The following ASAP1 variants were observed in gnomAD, a reference collection of about 807,000 sequenced individuals.
ASAP1 encodes the protein arf-GAP with SH3 domain, ANK repeat and PH domain-containing protein 1.
A neutral mutation model predicts 145.2 loss-of-function variants in ASAP1; 43 were observed. The observed-to-expected ratio is 0.30, with a 90% CI of 0.23 to 0.38. The LOEUF is 0.38. ASAP1 is among the 10% of genes least tolerant of loss of function. ASAP1 has a pLI of 1.00. For missense variants in ASAP1, 1,018 were observed against 1,355.3 expected (o/e 0.75, Z 3.91); for synonymous variants, 546 against 515.5 (o/e 1.06, Z -0.80).
At chr8:130,441,241 G>C (rs1181580068) in intron 1 of ASAP1, among the ~76,000 whole-genome samples, 1 of 152,230 alleles carries the variant, frequency 6.6e-6, no homozygotes, top group African/African-American at 2.4e-5. Flanking sequence ...AGAAAAACTC[G>C]ATTCCAGATA....
intron 27 of ASAP1, among the ~76,000 whole-genome samples, chr8:130,069,262 G>A (rs1185536789): frequency 6.6e-6 from 1 of 152,132 alleles, no homozygotes; most frequent in Non-Finnish European, 1.5e-5. Flanking sequence ...TTGAGGCAGG[G>A]TCTTGCTCTG....
At chr8:130,214,727 G>T in intron 4 of ASAP1, 26 bp from the exon 5 acceptor site, 2 of 1,548,244 alleles carry the variant, frequency 1.3e-6, no homozygotes, top group Non-Finnish European at 1.7e-6. Flanking sequence ...AAGAAGAAAG[G>T]AGTCTGAACT....
chr8:130,109,674 A>C (rs1235160984), intron 24 of ASAP1, among the ~76,000 whole-genome samples: 1 of 152,212 alleles, frequency 6.6e-6, no homozygotes, highest in Non-Finnish European at 1.5e-5. Context: ...GGGCCAAAAA[A>C]ACAGAGAAGA....
intron 4 of ASAP1, among the ~76,000 whole-genome samples, chr8:130,222,606 A>T (rs567364002): frequency 6.6e-6 from 1 of 152,328 alleles, no homozygotes; most frequent in South Asian, 2.1e-4. Flanking sequence ...CCACTATGTG[A>T]AAGACTTGAT....
chr8:130,148,631 T>C (rs915309776), intron 13 of ASAP1, among the ~76,000 whole-genome samples: 4 of 152,326 alleles, frequency 2.6e-5, no homozygotes, highest in Non-Finnish European at 5.9e-5. Flanking sequence ...TTGAAGAACA[T>C]AGCTGCTTAT....
At position 130,189,859 on chromosome 8, in the gene ASAP1, A is replaced by T. The variant is rs1241101830; in HGVS notation, c.406-1676T>A. Among the ~76,000 whole-genome samples, 3 of 152,116 alleles carry T rather than the reference A, an allele frequency of 2.0e-5. No homozygotes were observed. In the East Asian group the frequency reaches 5.8e-4, roughly 29 times the overall value. On this transcript the variant is annotated intron_variant, in intron 5 of 29. Coordinates refer to ENST00000518721, the MANE Select transcript of ASAP1 (RefSeq NM_018482.4). ...TAAAAGCCATTTTAGCTGGCTTGAG[A>T]TGATATTTCACTGAAGTTTTGATTC...
chr8:130,081,749 C>T (rs1029743772), intron 25 of ASAP1, among the ~76,000 whole-genome samples: 3 of 152,090 alleles, frequency 2.0e-5, no homozygotes, highest in African/African-American at 4.8e-5. Flanking sequence ...CTGCAGGTCC[C>T]GTGGGGAAAT....
At chr8:130,237,653 G>C (rs978284265) in intron 3 of ASAP1, among the ~76,000 whole-genome samples, 2 of 152,220 alleles carry the variant, frequency 1.3e-5, no homozygotes, top group African/African-American at 4.8e-5. Context: ...TGTGGTATAA[G>C]CAGGGGGGCT....
chr8:130,125,475 G>C (rs2097573497), intron 17 of ASAP1, among the ~76,000 whole-genome samples: 2 of 152,148 alleles, frequency 1.3e-5, no homozygotes, highest in African/African-American at 4.8e-5. Flanking sequence ...ACTACCTAAA[G>C]AAGTTATGGG....
intron 15 of ASAP1, among the ~76,000 whole-genome samples, chr8:130,131,595 T>C (rs561769507): frequency 1.8e-4 from 18 of 102,036 alleles, no homozygotes; most frequent in African/African-American, 7.1e-4. Context: ...CAAGACCTCA[T>C]GGCTACTGAA....
chr8:130,149,021 T>C (rs2097639966), intron 13 of ASAP1, among the ~76,000 whole-genome samples: 1 of 150,572 alleles, frequency 6.6e-6, no homozygotes, highest in African/African-American at 2.4e-5. Context: ...ATTTTTTTTT[T>C]TTTTTTTGTA....
intron 20 of ASAP1, 25 bp from the exon 21 acceptor site, chr8:130,117,020 A>G (rs758255607): frequency 1.3e-6 from 2 of 1,530,080 alleles, no homozygotes; most frequent in South Asian, 2.4e-5. Flanking sequence ...GATGATTAGA[A>G]AAAAATGACT....
chr8:130,255,254 T>C (rs1293953859), intron 3 of ASAP1, among the ~76,000 whole-genome samples: 1 of 152,178 alleles, frequency 6.6e-6, no homozygotes, highest in Non-Finnish European at 1.5e-5. Context: ...CAAGTTCCTT[T>C]TTGTTTTGAA....
rs1335072575 is a variant in ASAP1 at position 130,115,739 on chromosome 8, G to C, written c.2065-4C>G. 4 of 1,601,598 alleles carry C rather than the reference G, an allele frequency of 2.5e-6. No individual in the cohort carries two copies. The South Asian group carries it at 4.4e-5, about 18-fold the overall frequency. ...TTCCAGATTTAGCCTGGGAAAGCTG[G>C]AAGGAACAGCAAATGTGCACCATTT... On this transcript the variant is annotated splice_region_variant and splice_polypyrimidine_tract_variant and intron_variant, in intron 22 of 29. Coordinates refer to ENST00000518721, the MANE Select transcript of ASAP1 (RefSeq NM_018482.4).
At position 130,373,109 on chromosome 8, in the gene ASAP1, TATACACACACACACACACAC is replaced by T. The variant is rs1383694588; in HGVS notation, c.60-14986_60-14967del. On this transcript the variant is annotated intron_variant, in intron 2 of 29. Coordinates refer to ENST00000518721, the MANE Select transcript of ASAP1 (RefSeq NM_018482.4). ...ACCCCCCCACACACACAGAAATACATATACACACACACACACACACACACACACACACACACACACAGAGT... is the reference window on the plus strand; with the variant it reads ...ACCCCCCCACACACACAGAAATACATACACACACACACACACACACAGAGT... Among the ~76,000 whole-genome samples the T allele has an allele frequency of 2.9e-3, 370 of 127,686 alleles. 3 individuals carry two copies. The highest frequency in any genetic ancestry group is 0.01 in the African/African-American group (349 of 33,240). 83.8% of individuals were successfully genotyped at this position (127,686 alleles called of 152,430 possible). A position where few individuals can be genotyped will look rare whatever the true frequency, so the allele number is the denominator to read the frequency against.
intron 3 of ASAP1, among the ~76,000 whole-genome samples, chr8:130,344,626 T>C (rs945273074): frequency 1.2e-4 from 19 of 152,244 alleles, no homozygotes; most frequent in African/African-American, 4.3e-4. Context: ...AATCCCAACA[T>C]TTTGGGAGGC....
intron 24 of ASAP1, among the ~76,000 whole-genome samples, chr8:130,111,891 G>A (rs114388564): frequency 6.6e-6 from 1 of 152,180 alleles, no homozygotes; most frequent in African/African-American, 2.4e-5. Context: ...AATGCACAAA[G>A]AGAGCCCACA....
intron 11 of ASAP1, among the ~76,000 whole-genome samples, chr8:130,166,935 G>C (rs1191535631): frequency 6.6e-6 from 1 of 152,218 alleles, no homozygotes; most frequent in Non-Finnish European, 1.5e-5. Context: ...GTGGTCTAAA[G>C]AGGAAAGTTG....
chr8:130,078,703 G>A (rs1202079966), intron 26 of ASAP1, among the ~76,000 whole-genome samples: 1 of 152,136 alleles, frequency 6.6e-6, no homozygotes, highest in Non-Finnish European at 1.5e-5. Context: ...AGGTGAGTGA[G>A]GAATGAAAGG....
Sources: gnomAD v4.1 joint callset for allele counts (sites outside exome capture counted in the v4.1 genomes callset) on GRCh38, gnomAD v4.1.1 for gene constraint, MANE v1.5 for transcripts, NCBI Gene and HGNC (gene_info 2026-07-23, HGNC 2026-07-21) for gene names.